The following OLA1 variants were observed in gnomAD, a reference collection of about 807,000 sequenced individuals.
The protein encoded by OLA1 is Obg like ATPase 1, also known as obg-like ATPase 1.
Under a neutral mutation model 48.4 loss-of-function variants are expected in OLA1, and 14 were observed. The observed-to-expected ratio is 0.29, with a 90% CI of 0.19 to 0.45. The LOEUF (loss-of-function observed/expected upper bound fraction) is 0.45, where lower values mean the gene tolerates loss of function less well. OLA1 is among the 20% of genes least tolerant of loss of function. OLA1 has a pLI of 1.00. For synonymous variants in OLA1, 127 were observed against 150.4 expected, an observed-to-expected ratio of 0.84 and a Z score of 1.14; for missense variants, 325 against 467.1, an observed-to-expected ratio of 0.70 and a Z score of 2.80.
At chr2:174,078,109 C>T (rs376772959) in intron 10 of OLA1, among the ~76,000 whole-genome samples, 11 of 152,048 alleles carry the variant, frequency 7.2e-5, no homozygotes, top group East Asian at 1.9e-4. Flanking sequence ...TCCTGCTGTT[C>T]GGTATGACCT....
chr2:174,110,091 A>ATTTTTTTTTTTTT, intron 7 of OLA1, among the ~76,000 whole-genome samples: 1 of 111,018 alleles, frequency 9.0e-6, no homozygotes, highest in Non-Finnish European at 1.8e-5. Flanking sequence ...TTTGCTAAGG[A>ATTTTTTTTTTTTT]TTTTTTTTTT....
intron 7 of OLA1, among the ~76,000 whole-genome samples, chr2:174,115,982 T>C (rs899791732): frequency 2.0e-5 from 3 of 152,240 alleles, no homozygotes; most frequent in African/African-American, 7.2e-5. Flanking sequence ...AAGGGCTTAA[T>C]AATTCTTAAT....
intron 5 of OLA1, among the ~76,000 whole-genome samples, chr2:174,134,177 G>A (rs1214865517): frequency 6.6e-6 from 1 of 152,186 alleles, no homozygotes; most frequent in Non-Finnish European, 1.5e-5. Flanking sequence ...TTGAGTAACT[G>A]TGTTGGGTAT....
chr2:174,174,028 A>G (rs1200418773), intron 4 of OLA1, among the ~76,000 whole-genome samples: 1 of 42,518 alleles, frequency 2.4e-5, no homozygotes, highest in Non-Finnish European at 4.5e-5. Context: ...ACACACACAC[A>G]CACACACAAA....
At chr2:174,125,547 G>A (rs1332374090) in intron 5 of OLA1, among the ~76,000 whole-genome samples, 1 of 152,082 alleles carries the variant, frequency 6.6e-6, no homozygotes, top group Non-Finnish European at 1.5e-5. Flanking sequence ...AAAAATAGGG[G>A]AAGAAATTAA....
chr2:174,224,460 T>A (rs1231175233), intron 3 of OLA1, among the ~76,000 whole-genome samples: 1 of 152,138 alleles, frequency 6.6e-6, no homozygotes, highest in Non-Finnish European at 1.5e-5. Flanking sequence ...GACCTTCACC[T>A]TGCCCTAATT....
chr2:174,219,035 G>A (rs975042065), intron 4 of OLA1, among the ~76,000 whole-genome samples: 5 of 139,144 alleles, frequency 3.6e-5, no homozygotes, highest in African/African-American at 1.1e-4. Context: ...TGTGCTTCCC[G>A]GGCCAATCTT....
intron 4 of OLA1, chr2:174,171,796 A>T (rs529851833): frequency 6.6e-6 from 1 of 152,470 alleles, no homozygotes; most frequent in African/African-American, 2.4e-5. Context: ...GCCCCCAACC[A>T]CTACTGCCTT....
chr2:174,246,514 T>C (rs1348141375), intron 2 of OLA1, among the ~76,000 whole-genome samples: 1 of 152,200 alleles, frequency 6.6e-6, no homozygotes, highest in Non-Finnish European at 1.5e-5. Context: ...AGACAGCCTA[T>C]GTAGGTACCA....
intron 7 of OLA1, among the ~76,000 whole-genome samples, chr2:174,112,735 G>C (rs1192416578): frequency 6.6e-6 from 1 of 152,108 alleles, no homozygotes; most frequent in Non-Finnish European, 1.5e-5. Context: ...CTGCTCTTCT[G>C]CCATGGGATG....
intron 7 of OLA1, among the ~76,000 whole-genome samples, chr2:174,086,687 G>A (rs1306578719): frequency 1.3e-5 from 2 of 152,118 alleles, no homozygotes; most frequent in African/African-American, 4.8e-5. Flanking sequence ...GTGACTAATG[G>A]GCAGGTCGCA....
intron 4 of OLA1, among the ~76,000 whole-genome samples, chr2:174,163,840 C>T (rs1687092402): frequency 7.0e-6 from 1 of 143,478 alleles, no homozygotes; most frequent in Non-Finnish European, 1.5e-5. Flanking sequence ...ATTTAGAGTA[C>T]AAAACTACTC....
chr2:174,149,174 A>G (rs142682443), intron 4 of OLA1, among the ~76,000 whole-genome samples: 1 of 152,216 alleles, frequency 6.6e-6, no homozygotes, highest in Non-Finnish European at 1.5e-5. Flanking sequence ...CTTAGAAAGG[A>G]CATCAGTGAT....
At chr2:174,121,447 A>G (rs563245999) in intron 7 of OLA1, among the ~76,000 whole-genome samples, 1 of 152,152 alleles carries the variant, frequency 6.6e-6, no homozygotes, top group Non-Finnish European at 1.5e-5. Flanking sequence ...CTGGAACATC[A>G]TTCAGTTACC....
In OLA1 at chr2:174,140,908, A is replaced by T. The variant is rs566482068; in HGVS notation, c.549+917T>A. Among the ~76,000 whole-genome samples the T allele has an allele frequency of 1.5e-4, 23 of 151,878 alleles. No homozygotes were observed. The South Asian group carries it at 4.2e-3, about 27-fold the overall frequency. ...TTGGTTACTTTCTCTTACTAGTTTC[A>T]TTTTATTTTATTTTTAAAAATATTT... On this transcript the variant is annotated intron_variant, in intron 5 of 10. Transcript: ENST00000284719.
chr2:174,102,622 C>T (rs1408909763), intron 7 of OLA1, among the ~76,000 whole-genome samples: 1 of 152,076 alleles, frequency 6.6e-6, no homozygotes, highest in Non-Finnish European at 1.5e-5. Flanking sequence ...GATCTACTTT[C>T]CAGACTAGCT....
intron 4 of OLA1, chr2:174,218,005 T>C (rs1423213171): frequency 8.2e-6 from 1 of 122,276 alleles, no homozygotes; most frequent in African/African-American, 3.1e-5. Context: ...ATTCTCTTTC[T>C]TTTTTTTTTA....
chr2:174,129,098 T>C (rs1686113553), intron 5 of OLA1, among the ~76,000 whole-genome samples: 2 of 152,036 alleles, frequency 1.3e-5, no homozygotes, highest in Non-Finnish European at 2.9e-5. Context: ...ATTGTGAAAA[T>C]AAAACAAGAA....
At chr2:174,116,688 G>A (rs1434883390) in intron 7 of OLA1, among the ~76,000 whole-genome samples, 4 of 152,110 alleles carry the variant, frequency 2.6e-5, no homozygotes, top group African/African-American at 9.7e-5. Context: ...GGCAAACCTA[G>A]ATATTTGCAT....
Sources: allele counts gnomAD v4.1 joint callset (sites outside exome capture counted in the v4.1 genomes callset), GRCh38; gene constraint gnomAD v4.1.1; transcripts MANE v1.5; gene names NCBI Gene and HGNC (gene_info 2026-07-23, HGNC 2026-07-21).